PTPRO: variants seen among roughly 807,000 people sequenced by gnomAD.
PTPRO encodes receptor-type tyrosine-protein phosphatase O.
A neutral mutation model predicts 145.2 loss-of-function variants in PTPRO; 62 were observed. The observed-to-expected ratio is 0.43, with a 90% CI of 0.35 to 0.53. The LOEUF is 0.53. Among genes scored for constraint, PTPRO ranks in the 20% least tolerant of loss-of-function variants. The pLI is 0.01. For missense variants in PTPRO, 1,345 were observed against 1,482.7 expected, an observed-to-expected ratio of 0.91 and a Z score of 1.53; for synonymous variants, 565 against 514.7, an observed-to-expected ratio of 1.10 and a Z score of -1.32.
At chr12:15,472,487 A>C (rs1941565014) in intron 1 of PTPRO, among the ~76,000 whole-genome samples, 1 of 152,174 alleles carries the variant, frequency 6.6e-6, no homozygotes, top group South Asian at 2.1e-4. Flanking sequence ...GTTGATCTAA[A>C]CACTCTAGAG....
chr12:15,471,171 G>A (rs758052833), intron 1 of PTPRO, among the ~76,000 whole-genome samples: 2 of 152,110 alleles, frequency 1.3e-5, no homozygotes, highest in African/African-American at 2.4e-5. Context: ...TTGAGCCCAG[G>A]AGTTTGAGAC....
At chr12:15,527,442 T>C (rs1004451754) in intron 12 of PTPRO, among the ~76,000 whole-genome samples, 2 of 152,094 alleles carry the variant, frequency 1.3e-5, no homozygotes, top group African/African-American at 4.8e-5. Flanking sequence ...AAGGGAGAAA[T>C]AGCTTGAGGA....
intron 10 of PTPRO, among the ~76,000 whole-genome samples, chr12:15,521,650 G>A (rs138396216): frequency 1.3e-4 from 20 of 152,188 alleles, no homozygotes; most frequent in African/African-American, 3.4e-4. Context: ...TTTTCTCACC[G>A]GTAGAACCCC....
At chr12:15,390,372 C>T (rs942573518) in intron 1 of PTPRO, among the ~76,000 whole-genome samples, 1 of 152,090 alleles carries the variant, frequency 6.6e-6, no homozygotes, top group Non-Finnish European at 1.5e-5. Flanking sequence ...GGAGGCTTCA[C>T]AATCATGGAG....
chr12:15,381,473 C>T (rs1052785160), intron 1 of PTPRO, among the ~76,000 whole-genome samples: 14 of 152,010 alleles, frequency 9.2e-5, no homozygotes, highest in African/African-American at 3.4e-4. Context: ...TTTTTTCAGC[C>T]AACAATGGGC....
intron 1 of PTPRO, among the ~76,000 whole-genome samples, chr12:15,450,135 G>T (rs1224162589): frequency 6.6e-6 from 1 of 151,582 alleles, no homozygotes; most frequent in African/African-American, 2.4e-5. Flanking sequence ...TCTAAGCGAT[G>T]CTGCATTTTT....
chr12:15,370,806 C>T (rs1425533491), intron 1 of PTPRO, among the ~76,000 whole-genome samples: 2 of 152,026 alleles, frequency 1.3e-5, no homozygotes, highest in East Asian at 3.9e-4. Context: ...TAATACAAAG[C>T]TTTTGTTAAA....
At chr12:15,477,513 G>C (rs1941682553) in intron 1 of PTPRO, among the ~76,000 whole-genome samples, 1 of 152,080 alleles carries the variant, frequency 6.6e-6, no homozygotes, top group East Asian at 1.9e-4. Flanking sequence ...AAAAAAAAAT[G>C]CATTGTATTC....
intron 1 of PTPRO, among the ~76,000 whole-genome samples, chr12:15,328,755 T>C (rs1465312308): frequency 6.6e-6 from 1 of 151,236 alleles, no homozygotes; most frequent in Non-Finnish European, 1.5e-5. Context: ...TCAAATACTC[T>C]TTATCTATTT....
chr12:15,458,672 T>A (rs1412322290), intron 1 of PTPRO, among the ~76,000 whole-genome samples: 2 of 151,734 alleles, frequency 1.3e-5, no homozygotes, highest in Non-Finnish European at 2.9e-5. Context: ...TTCAGCTCAT[T>A]GATTTCTGAG....
chr12:15,462,373 G>T (rs976274325), intron 1 of PTPRO, among the ~76,000 whole-genome samples: 3 of 152,034 alleles, frequency 2.0e-5, no homozygotes, highest in African/African-American at 7.2e-5. Context: ...TGACCCACCC[G>T]CCTCGGCCTC....
chr12:15,384,416 T>C (rs1938959100), intron 1 of PTPRO, among the ~76,000 whole-genome samples: 1 of 152,170 alleles, frequency 6.6e-6, no homozygotes, highest in Admixed American at 6.5e-5. Context: ...TTTCTCATAG[T>C]TCTGGAGGAT....
intron 1 of PTPRO, among the ~76,000 whole-genome samples, chr12:15,362,388 GTGT>G (rs766446778): frequency 5.3e-5 from 8 of 152,186 alleles, no homozygotes; most frequent in Non-Finnish European, 1.0e-4. Flanking sequence ...TTGTCCAAAA[GTGT>G]TGTATTTGCT....
At chr12:15,529,509 G>C (rs917056295) in intron 12 of PTPRO, among the ~76,000 whole-genome samples, 19 of 151,596 alleles carry the variant, frequency 1.3e-4, no homozygotes, top group Admixed American at 2.0e-4. Context: ...TGGGTATGGT[G>C]ACACATGCCT....
chr12:15,382,963 G>T (rs1051353265), intron 1 of PTPRO, among the ~76,000 whole-genome samples: 43 of 152,072 alleles, frequency 2.8e-4, no homozygotes, highest in African/African-American at 1.0e-3. Flanking sequence ...ATTTCTTTGT[G>T]GTGAGAACAT....
intron 1 of PTPRO, among the ~76,000 whole-genome samples, chr12:15,415,226 C>G (rs1939914453): frequency 6.6e-6 from 1 of 151,956 alleles, no homozygotes; most frequent in South Asian, 2.1e-4. Context: ...CCAGCTACCT[C>G]CCCCCCAAAA....
chr12:15,355,980 A>G (rs551814549), intron 1 of PTPRO, among the ~76,000 whole-genome samples: 56 of 152,344 alleles, frequency 3.7e-4, no homozygotes, highest in African/African-American at 1.2e-3. Flanking sequence ...TGTACTTTTA[A>G]TTACAGAAAA....
At chr12:15,436,592 C>T (rs1940601501) in intron 1 of PTPRO, among the ~76,000 whole-genome samples, 3 of 152,230 alleles carry the variant, frequency 2.0e-5, no homozygotes, top group Non-Finnish European at 2.9e-5. Context: ...CTGGAGTTAG[C>T]TTAGGGAGAG....
intron 18 of PTPRO, 74 bp from the exon 19 acceptor site, chr12:15,569,343 T>A: frequency 8.0e-7 from 1 of 1,246,380 alleles, no homozygotes; most frequent in Non-Finnish European, 1.2e-6. Context: ...TTAAGAAGTA[T>A]GATATTAAAC....
Sources: gnomAD v4.1 joint callset for allele counts (sites outside exome capture counted in the v4.1 genomes callset) on GRCh38, gnomAD v4.1.1 for gene constraint, MANE v1.5 for transcripts, NCBI Gene and HGNC (gene_info 2026-07-23, HGNC 2026-07-21) for gene names.